The following WASHC2C variants were observed in gnomAD, a reference collection of about 807,000 sequenced individuals.
WASHC2C encodes Vaccinia Penetration Factor.
Under a neutral mutation model 142.2 loss-of-function variants are expected in WASHC2C, and 73 were observed. That is an observed-to-expected ratio of 0.51 (90% CI 0.43 to 0.62). WASHC2C has a LOEUF of 0.62. Among genes scored for constraint, WASHC2C ranks in the 20% least tolerant of loss-of-function variants. The pLI is 0.00. For synonymous variants in WASHC2C, 337 were observed against 565.5 expected, an observed-to-expected ratio of 0.60 and a Z score of 5.73; for missense variants, 969 against 1,531.7, an observed-to-expected ratio of 0.63 and a Z score of 6.13.
At chr10:45,735,782 G>A (rs1439589276) in intron 3 of WASHC2C, among the ~76,000 whole-genome samples, 2 of 152,232 alleles carry the variant, frequency 1.3e-5, no homozygotes, top group Non-Finnish European at 2.9e-5. Flanking sequence ...CAGATTGGCA[G>A]ATACTTAAAG....
At position 45,779,853 on chromosome 10, in the gene WASHC2C, C is replaced by T. The variant is rs531100134; in HGVS notation, c.2478+718C>T. On this transcript the variant is annotated intron_variant, in intron 23 of 30. Coordinates refer to ENST00000623400, the MANE Select transcript of WASHC2C (RefSeq NM_001330074.2). ...TACAAGAAATAGCTTGGCGTGATGA[C>T]GCTTGCCTGTAATCCCAGCTACTTG... 2.1e-3 allele frequency among the ~76,000 whole-genome samples: 325 copies of T among 152,274 alleles called. 1 individual carries two copies. Among genetic ancestry groups the T allele is most frequent in the South Asian group, 3.9e-3 (19 of 4,824 alleles).
In WASHC2C at chr10:45,754,727, G is replaced by A. The variant is rs74128817; in HGVS notation, c.1240+182G>A. ...AGCTCTTATTCTCCTAGAGCTCAGT[G>A]GCCTTGGACTTTTTTGTGTTTGAGC... On this transcript the variant is annotated intron_variant, in intron 14 of 30. Coordinates refer to ENST00000623400, the MANE Select transcript of WASHC2C (RefSeq NM_001330074.2). 7.6e-3 allele frequency among the ~76,000 whole-genome samples: 1,163 copies of A among 152,244 alleles called. 21 individuals carry two copies. The highest frequency in any genetic ancestry group is 0.026 in the African/African-American group (1,099 of 41,502).
chr10:45,727,063 C>G (rs2049932979), upstream of WASHC2C: 5 of 1,229,830 alleles, frequency 4.1e-6, no homozygotes, highest in East Asian at 1.5e-4. Flanking sequence ...CTGCAGCGTT[C>G]CTGGCGTCAG....
intron 20 of WASHC2C, chr10:45,771,647 A>T: frequency 1.1e-6 from 1 of 912,898 alleles, no homozygotes; most frequent in Non-Finnish European, 1.3e-6. Flanking sequence ...CTCCAGATAC[A>T]TCCTACCTCC....
At chr10:45,774,947 A>C (rs1362404142) in intron 21 of WASHC2C, among the ~76,000 whole-genome samples, 4 of 136,396 alleles carry the variant, frequency 2.9e-5, no homozygotes, top group African/African-American at 1.1e-4. Flanking sequence ...TACCCTAATG[A>C]GTACATAGGG....
intron 20 of WASHC2C, chr10:45,771,785 C>G (rs1273189061): frequency 1.7e-5 from 3 of 175,332 alleles, no homozygotes; most frequent in African/African-American, 2.4e-5. Context: ...TTGGAACCCT[C>G]ATACACTGCT....
intron 3 of WASHC2C, among the ~76,000 whole-genome samples, chr10:45,736,663 A>G (rs544448559): frequency 6.6e-6 from 1 of 152,126 alleles, no homozygotes. Flanking sequence ...GTGTTAGCTT[A>G]TATTTGTGTT....
At chr10:45,782,281 C>A (rs1198232926) in intron 23 of WASHC2C, among the ~76,000 whole-genome samples, 2 of 151,988 alleles carry the variant, frequency 1.3e-5, no homozygotes, top group South Asian at 2.1e-4. Flanking sequence ...GAACGAGACC[C>A]TGTCTGAAAA....
chr10:45,781,189 A>C (rs1235315356), intron 23 of WASHC2C, among the ~76,000 whole-genome samples: 2 of 152,158 alleles, frequency 1.3e-5, no homozygotes, highest in Non-Finnish European at 1.5e-5. Context: ...TTGTAAACTA[A>C]AATCTACAAA....
chr10:45,736,399 C>T (rs1264144797), intron 3 of WASHC2C, among the ~76,000 whole-genome samples: 2 of 83,020 alleles, frequency 2.4e-5, no homozygotes, highest in East Asian at 7.9e-4. Flanking sequence ...GAGTGAGACT[C>T]CATCTCAAAA....
rs2055670519 is a variant in WASHC2C, at chr10:45,765,383, G to A, written c.1738-296G>A. 4.6e-5 allele frequency among the ~76,000 whole-genome samples: 7 copies of A among 150,790 alleles called. No individual in the cohort carries two copies. The Admixed American group carries it at 4.6e-4, about 10-fold the overall frequency. On this transcript the variant is annotated intron_variant, in intron 18 of 30. Transcript: ENST00000623400. The stretch of plus-strand genomic sequence containing the variant: ...TGAGCAGAGAGGCACTTGCCCACAG[G>A]GTGACTGGATGGGGCTCAGTTTCTC...
intron 18 of WASHC2C, among the ~76,000 whole-genome samples, chr10:45,764,051 A>T (rs2055476603): frequency 6.6e-6 from 1 of 151,574 alleles, no homozygotes; most frequent in South Asian, 2.1e-4. Context: ...ATTTTTAGAA[A>T]TCTGCCTTTG....
intron 23 of WASHC2C, among the ~76,000 whole-genome samples, chr10:45,779,776 A>G (rs1564810508): frequency 2.6e-5 from 4 of 152,108 alleles, no homozygotes; most frequent in African/African-American, 7.2e-5. Context: ...CACAAGGTCA[A>G]GAGATCGAGA....
rs1299630940 is a variant in WASHC2C at position 45,755,220 on chromosome 10, C to T, written c.1420+105C>T. The stretch of plus-strand genomic sequence containing the variant: ...CTGTATCTCTTACAGTGCCAGAATC[C>T]CTTCTCCAGCATTCCTGTCATTGAG... On this transcript the variant is annotated intron_variant, in intron 15 of 30. Transcript: ENST00000623400. 2.8e-5 allele frequency: 41 copies of T among 1,454,206 alleles called. No homozygotes were observed. The Middle Eastern group carries it at 7.4e-4, about 26-fold the overall frequency. 90.1% of individuals were successfully genotyped at this position (1,454,206 alleles called of 1,614,324 possible).
chr10:45,743,243 T>A, intron 5 of WASHC2C, 147 bp from the exon 6 acceptor site: 4 of 1,266,002 alleles, frequency 3.2e-6, no homozygotes, highest in Non-Finnish European at 1.1e-6. Context: ...ATTTTTTTTT[T>A]AACTTTTAGT....
chr10:45,727,101 A>G, upstream of WASHC2C: 4 of 1,375,320 alleles, frequency 2.9e-6, no homozygotes, highest in Non-Finnish European at 3.8e-6. Flanking sequence ...CCTCCGCCCC[A>G]ACCTAGGGTA....
chr10:45,745,907 C>G (rs2052761715), intron 7 of WASHC2C, among the ~76,000 whole-genome samples: 1 of 133,364 alleles, frequency 7.5e-6, no homozygotes, highest in African/African-American at 2.8e-5. Context: ...TCTCCCAATG[C>G]TATCCCTCCC....
chr10:45,749,204 G>A (rs1471676688), intron 8 of WASHC2C, among the ~76,000 whole-genome samples: 2 of 151,924 alleles, frequency 1.3e-5, no homozygotes, highest in Non-Finnish European at 2.9e-5. Context: ...GGAAGCTGAG[G>A]TGGTTGGATC....
intron 19 of WASHC2C, among the ~76,000 whole-genome samples, chr10:45,769,210 T>C (rs569271925): frequency 2.6e-5 from 4 of 151,798 alleles, no homozygotes; most frequent in South Asian, 2.1e-4. Flanking sequence ...CTCTGCCTCC[T>C]GGGTTCACTC....
Sources: gnomAD v4.1 joint callset for allele counts (sites outside exome capture counted in the v4.1 genomes callset) on GRCh38, gnomAD v4.1.1 for gene constraint, MANE v1.5 for transcripts, NCBI Gene and HGNC (gene_info 2026-07-23, HGNC 2026-07-21) for gene names.